Variants in SENP7 observed in about 807,000 individuals in gnomAD.
The protein encoded by SENP7 is SUMO specific peptidase 7, also known as sentrin-specific protease 7.
SENP7 carries 64 observed loss-of-function variants against 141.2 expected under a neutral mutation model. That is an observed-to-expected ratio of 0.45 (90% CI 0.37 to 0.56). The LOEUF (loss-of-function observed/expected upper bound fraction) is 0.56, where lower values mean the gene tolerates loss of function less well. Ranked by LOEUF, SENP7 falls within the 20% of genes least tolerant of loss-of-function variation. SENP7 has a pLI of 0.00. For missense variants in SENP7, 1,025 were observed against 1,212.2 expected, an observed-to-expected ratio of 0.85 and a Z score of 2.29; for synonymous variants, 382 against 426.4, an observed-to-expected ratio of 0.90 and a Z score of 1.28.
intron 7 of SENP7, among the ~76,000 whole-genome samples, chr3:101,371,592 T>A (rs2060182713): frequency 1.3e-5 from 2 of 152,156 alleles, no homozygotes; most frequent in South Asian, 4.1e-4. Flanking sequence ...TAGTGGCTTG[T>A]TTGGCATCCT....
At chr3:101,482,077 G>A (rs560784153) in intron 3 of SENP7, among the ~76,000 whole-genome samples, 1 of 152,198 alleles carries the variant, frequency 6.6e-6, no homozygotes, top group Admixed American at 6.5e-5. Context: ...TTGGGATACC[G>A]AGGTGGGCAG....
At chr3:101,378,243 C>T (rs971676465) in intron 6 of SENP7, among the ~76,000 whole-genome samples, 1 of 151,390 alleles carries the variant, frequency 6.6e-6, no homozygotes, top group African/African-American at 2.4e-5. Context: ...AGAACCAGAA[C>T]CAGACATGTC....
At chr3:101,433,425 CAAT>C (rs1317754897) in intron 4 of SENP7, among the ~76,000 whole-genome samples, 1 of 150,616 alleles carries the variant, frequency 6.6e-6, no homozygotes, top group African/African-American at 2.4e-5. Flanking sequence ...TCTTACTTAT[CAAT>C]AATAACATTG....
chr3:101,356,991 A>T (rs2059760289), intron 11 of SENP7, among the ~76,000 whole-genome samples: 1 of 152,028 alleles, frequency 6.6e-6, no homozygotes, highest in Admixed American at 6.6e-5. Flanking sequence ...TAATGCTTTT[A>T]TTAACTATGA....
chr3:101,428,558 T>G (rs1054120952), intron 4 of SENP7, among the ~76,000 whole-genome samples: 2 of 152,234 alleles, frequency 1.3e-5, no homozygotes, highest in Non-Finnish European at 2.9e-5. Flanking sequence ...TTTTTCTTCT[T>G]GTAAATTTGT....
intron 4 of SENP7, among the ~76,000 whole-genome samples, chr3:101,457,073 T>A (rs986267238): frequency 1.3e-5 from 2 of 152,210 alleles, no homozygotes; most frequent in African/African-American, 4.8e-5. Context: ...GAATTGTGTA[T>A]AAGCAAAACC....
intron 4 of SENP7, among the ~76,000 whole-genome samples, chr3:101,421,646 G>A (rs938284302): frequency 2.0e-5 from 3 of 152,068 alleles, no homozygotes; most frequent in Non-Finnish European, 2.9e-5. Flanking sequence ...TAAATGAGAC[G>A]GACAATTTGG....
At chr3:101,409,965 TACCAAAA>T (rs931933288) in intron 5 of SENP7, among the ~76,000 whole-genome samples, 3 of 152,058 alleles carry the variant, frequency 2.0e-5, no homozygotes, top group African/African-American at 7.2e-5. Context: ...AGCTTTTGCA[TACCAAAA>T]GGAACAGTCA....
chr3:101,365,727 T>C (rs543950254), intron 9 of SENP7, among the ~76,000 whole-genome samples: 8 of 152,130 alleles, frequency 5.3e-5, no homozygotes, highest in Non-Finnish European at 1.0e-4. Context: ...TTATTCAATT[T>C]AGAAACAGGC....
At chr3:101,382,997 A>G (rs2060546666) in intron 6 of SENP7, among the ~76,000 whole-genome samples, 1 of 152,250 alleles carries the variant, frequency 6.6e-6, no homozygotes, top group African/African-American at 2.4e-5. Flanking sequence ...AAGGACAAAT[A>G]CTAACAGAAA....
chr3:101,484,832 C>G (rs2064658372), intron 3 of SENP7, among the ~76,000 whole-genome samples: 1 of 152,132 alleles, frequency 6.6e-6, no homozygotes, highest in South Asian at 2.1e-4. Flanking sequence ...AGAAGGAAAT[C>G]TCTAGCAGAA....
intron 1 of SENP7, among the ~76,000 whole-genome samples, chr3:101,504,320 G>A (rs926584643): frequency 1.3e-5 from 2 of 151,536 alleles, no homozygotes; most frequent in African/African-American, 4.8e-5. Flanking sequence ...TTAGCTGGGT[G>A]TAGTGGCAGG....
chr3:101,489,119 T>C (rs1044088900), intron 3 of SENP7, among the ~76,000 whole-genome samples: 6 of 152,112 alleles, frequency 3.9e-5, no homozygotes, highest in Non-Finnish European at 7.4e-5. Context: ...ACTGAGGGAA[T>C]TTGCTTCAAC....
intron 5 of SENP7, among the ~76,000 whole-genome samples, chr3:101,402,552 G>A (rs1365334907): frequency 6.7e-6 from 1 of 148,258 alleles, no homozygotes; most frequent in Non-Finnish European, 1.5e-5. Flanking sequence ...AACCTGGGAG[G>A]CGGAGGTTGC....
At chr3:101,488,737 G>A (rs1389373806) in intron 3 of SENP7, among the ~76,000 whole-genome samples, 1 of 152,170 alleles carries the variant, frequency 6.6e-6, no homozygotes, top group Non-Finnish European at 1.5e-5. Flanking sequence ...AGCTACTTGG[G>A]AGGCTGACGC....
At chr3:101,326,955 C>T (rs2058916782) in intron 23 of SENP7, among the ~76,000 whole-genome samples, 1 of 151,766 alleles carries the variant, frequency 6.6e-6, no homozygotes, top group Admixed American at 6.6e-5. Context: ...GTATCTAGTC[C>T]TCTATTAAAC....
chr3:101,462,056 G>C (rs932877613), intron 3 of SENP7, among the ~76,000 whole-genome samples: 2 of 152,320 alleles, frequency 1.3e-5, no homozygotes, highest in East Asian at 1.9e-4. Context: ...AATGGTTAAA[G>C]AGTTTCCATT....
chr3:101,423,653 C>T (rs1350286671), intron 4 of SENP7, among the ~76,000 whole-genome samples: 1 of 152,120 alleles, frequency 6.6e-6, no homozygotes, highest in Non-Finnish European at 1.5e-5. Context: ...TGGGTGCACT[C>T]CTAATAGATC....
chr3:101,436,497 G>A (rs543050203), intron 4 of SENP7, among the ~76,000 whole-genome samples: 1 of 152,270 alleles, frequency 6.6e-6, no homozygotes, highest in Admixed American at 6.5e-5. Flanking sequence ...CCCACAGAAT[G>A]TGAGAAAATA....
Sources: gnomAD v4.1 joint callset for allele counts (sites outside exome capture counted in the v4.1 genomes callset) on GRCh38, gnomAD v4.1.1 for gene constraint, MANE v1.5 for transcripts, NCBI Gene and HGNC (gene_info 2026-07-23, HGNC 2026-07-21) for gene names.